FAM107B: variants seen among roughly 807,000 people sequenced by gnomAD.
FAM107B encodes protein FAM107B.
A neutral mutation model predicts 31.5 loss-of-function variants in FAM107B; 21 were observed. That is an observed-to-expected ratio of 0.67 (90% CI 0.47 to 0.96). The LOEUF is 0.96. Among genes scored for constraint, FAM107B ranks in the 40% least tolerant of loss-of-function variants. FAM107B has a pLI of 0.00. For missense variants in FAM107B, 452 were observed against 377.1 expected (o/e 1.20, Z -1.64); for synonymous variants, 157 against 141.5 (o/e 1.11, Z -0.78).
At chr10:14,657,099 G>A (rs73589400) in intron 2 of FAM107B, among the ~76,000 whole-genome samples, 3 of 152,192 alleles carry the variant, frequency 2.0e-5, no homozygotes, top group African/African-American at 4.8e-5. Context: ...CTTGAATACA[G>A]AGGACTAAAT....
At position 14,556,450 on chromosome 10, in the gene FAM107B, C is replaced by T. The variant is rs139171594; in HGVS notation, c.470-25935G>A. On this transcript the variant is annotated intron_variant, in intron 2 of 4. Coordinates refer to ENST00000181796, the MANE Select transcript of FAM107B (RefSeq NM_031453.4). Reference sequence around the variant, plus strand: ...AGTCAGCACTCAGCATGCCAGAGAGCAGCCCAGGCCACAATATTCATATTT... The same window carrying T: ...AGTCAGCACTCAGCATGCCAGAGAGTAGCCCAGGCCACAATATTCATATTT... The T allele has an allele frequency of 4.1e-6, 4 of 977,654 alleles. No homozygotes were observed. In the African/African-American group the frequency reaches 7.0e-5, roughly 17 times the overall value. 60.6% of individuals were successfully genotyped at this position (977,654 alleles called of 1,614,324 possible).
intron 1 of FAM107B, among the ~76,000 whole-genome samples, chr10:14,772,882 T>C (rs1833339221): frequency 6.6e-6 from 1 of 152,224 alleles, no homozygotes; most frequent in Admixed American, 6.5e-5. Context: ...CCCTTTGTTC[T>C]TGCGGCTGTC....
In FAM107B at chr10:14,644,173, T is replaced by C. The variant is rs150936406; in HGVS notation, c.469+23461A>G. On this transcript the variant is annotated intron_variant, in intron 2 of 4. Coordinates refer to ENST00000181796, the MANE Select transcript of FAM107B (RefSeq NM_031453.4). Reference sequence around the variant, plus strand: ...TCGTGGGGGAAGAGACCAACATTTATTGAAAATTTACAATGATACAATGAT... The same window carrying C: ...TCGTGGGGGAAGAGACCAACATTTACTGAAAATTTACAATGATACAATGAT... Among the ~76,000 whole-genome samples, 326 of 152,314 alleles carry C rather than the reference T, an allele frequency of 2.1e-3. 3 individuals carry two copies. The highest frequency in any genetic ancestry group is 0.019 in the East Asian group (96 of 5,188).
At chr10:14,624,211 G>A (rs1211055677) in intron 2 of FAM107B, among the ~76,000 whole-genome samples, 1 of 152,166 alleles carries the variant, frequency 6.6e-6, no homozygotes, top group Non-Finnish European at 1.5e-5. Flanking sequence ...ACAATGGAGT[G>A]GCTATAAGGA....
chr10:14,713,174 T>C (rs1855701088), intron 1 of FAM107B, among the ~76,000 whole-genome samples: 1 of 152,208 alleles, frequency 6.6e-6, no homozygotes, highest in South Asian at 2.1e-4. Flanking sequence ...GTTATTATGT[T>C]ACCTCCCTCA....
chr10:14,731,494 G>A (rs577142073), intron 1 of FAM107B, among the ~76,000 whole-genome samples: 34 of 152,248 alleles, frequency 2.2e-4, no homozygotes, highest in African/African-American at 7.7e-4. Context: ...CCCAGGAGGC[G>A]GAGGTTGCAG....
At chr10:14,572,832 G>A (rs1851326208) in intron 2 of FAM107B, among the ~76,000 whole-genome samples, 1 of 148,198 alleles carries the variant, frequency 6.7e-6, no homozygotes, top group Non-Finnish European at 1.5e-5. Flanking sequence ...GGAAAAAAAC[G>A]ACAAGCAGAA....
chr10:14,526,437 G>A (rs963068534), intron 3 of FAM107B, among the ~76,000 whole-genome samples: 2 of 152,144 alleles, frequency 1.3e-5, no homozygotes, highest in Admixed American at 6.5e-5. Context: ...CGGCCTCCCA[G>A]AGTGCTGGAA....
chr10:14,576,299 C>A (rs1355053066), intron 2 of FAM107B, among the ~76,000 whole-genome samples: 1 of 152,106 alleles, frequency 6.6e-6, no homozygotes, highest in East Asian at 1.9e-4. Context: ...GAGGCCGAGG[C>A]GGGTGGATCA....
intron 1 of FAM107B, among the ~76,000 whole-genome samples, chr10:14,772,997 CA>C (rs1230717479): frequency 1.3e-5 from 2 of 152,168 alleles, no homozygotes; most frequent in Middle Eastern, 3.2e-3. Flanking sequence ...TCAACTTGGC[CA>C]TGAATTCTAA....
intron 2 of FAM107B, among the ~76,000 whole-genome samples, chr10:14,628,582 G>T (rs1340975724): frequency 1.3e-5 from 2 of 152,176 alleles, no homozygotes; most frequent in Non-Finnish European, 2.9e-5. Context: ...TACTGTAATT[G>T]GTTCTTTGGT....
chr10:14,751,643 C>T (rs1832829726), intron 1 of FAM107B, among the ~76,000 whole-genome samples: 2 of 152,076 alleles, frequency 1.3e-5, no homozygotes, highest in South Asian at 4.2e-4. Flanking sequence ...ATGGAAATTA[C>T]AGCCGTGAGC....
intron 2 of FAM107B, among the ~76,000 whole-genome samples, chr10:14,637,353 G>C (rs1052312581): frequency 5.3e-5 from 8 of 152,082 alleles, no homozygotes; most frequent in Admixed American, 2.6e-4. Context: ...TAGAATATGA[G>C]ACCAGCTGCA....
intron 1 of FAM107B, among the ~76,000 whole-genome samples, chr10:14,715,298 T>C (rs1045092332): frequency 6.6e-6 from 1 of 151,846 alleles, no homozygotes; most frequent in African/African-American, 2.4e-5. Context: ...CTTTGGAAAT[T>C]AAAAATACGA....
intron 2 of FAM107B, among the ~76,000 whole-genome samples, chr10:14,596,403 C>T (rs1852190031): frequency 6.6e-6 from 1 of 152,266 alleles, no homozygotes; most frequent in Admixed American, 6.5e-5. Flanking sequence ...CATGCTAGCC[C>T]GTGATCCCAC....
At chr10:14,548,847 C>CG (rs1564553201) in intron 2 of FAM107B, among the ~76,000 whole-genome samples, 1 of 151,228 alleles carries the variant, frequency 6.6e-6, no homozygotes, top group East Asian at 2.0e-4. Context: ...CACACACACA[C>CG]CGACTGAATG....
chr10:14,669,274 G>C (rs1470595063), intron 1 of FAM107B, among the ~76,000 whole-genome samples: 2 of 150,298 alleles, frequency 1.3e-5, no homozygotes, highest in Non-Finnish European at 2.9e-5. Context: ...GGAGGCTGCG[G>C]CAGGAGAATC....
intron 1 of FAM107B, among the ~76,000 whole-genome samples, chr10:14,670,624 T>C (rs936412720): frequency 1.3e-5 from 2 of 152,234 alleles, no homozygotes; most frequent in African/African-American, 4.8e-5. Flanking sequence ...GTTTACTTTT[T>C]TATTGCTCTG....
chr10:14,566,971 A>G (rs1242145292), intron 2 of FAM107B, among the ~76,000 whole-genome samples: 3 of 152,146 alleles, frequency 2.0e-5, no homozygotes, highest in African/African-American at 7.2e-5. Flanking sequence ...CTAACACAGT[A>G]AAACCCCGTA....
Sources: gnomAD v4.1 joint callset for allele counts (sites outside exome capture counted in the v4.1 genomes callset) on GRCh38, gnomAD v4.1.1 for gene constraint, MANE v1.5 for transcripts, NCBI Gene and HGNC (gene_info 2026-07-23, HGNC 2026-07-21) for gene names.